The following COBLL1 variants were observed in gnomAD, a reference collection of about 807,000 sequenced individuals.
The protein encoded by COBLL1 is cordon-bleu protein-like 1.
Under a neutral mutation model 94.8 loss-of-function variants are expected in COBLL1, and 50 were observed. That is an observed-to-expected ratio of 0.53 (90% CI 0.42 to 0.67). The LOEUF is 0.67. COBLL1 is among the 30% of genes least tolerant of loss of function. The probability of loss-of-function intolerance (pLI) is 0.00; values close to 1 mark genes in which losing one functional copy is unlikely to be tolerated. For missense variants in COBLL1, 1,362 were observed against 1,348.7 expected (o/e 1.01, Z -0.15); for synonymous variants, 448 against 473.8 (o/e 0.95, Z 0.71).
chr2:164,689,162 A>G (rs910056031), intron 13 of COBLL1, among the ~76,000 whole-genome samples: 1 of 152,082 alleles, frequency 6.6e-6, no homozygotes, highest in African/African-American at 2.4e-5. Flanking sequence ...CTTCTGAAAC[A>G]TGAAAAAAAA....
chr2:164,822,637 G>C (rs145174731), intron 2 of COBLL1, among the ~76,000 whole-genome samples: 301 of 152,078 alleles, frequency 2.0e-3, no homozygotes, highest in African/African-American at 6.7e-3. Context: ...CTAATGAGAT[G>C]AACTAATCTC....
At position 164,722,079 on chromosome 2, in the gene COBLL1, T is replaced by G. The variant is rs750015688; in HGVS notation, c.992A>C (p.Asp331Ala). The change falls in exon 7 of 14, where the codon GAT becomes GCT. Residue 331 changes from aspartate (D) to alanine (A), a missense_variant. Asp to Ala is a moderately radical substitution (Grantham distance 126, BLOSUM62 -2). Transcript: ENST00000652658. The stretch of plus-strand genomic sequence containing the variant: ...ATAGAAAACAAAACTACACACCTTA[T>G]CTGTCTCATCCACGCTCATGGATTT... Reference protein sequence around the residue: ...IVKSMSVDETDKSPCEAGRVR... With the variant: ...IVKSMSVDETAKSPCEAGRVR... 53 of 1,587,492 alleles carry G rather than the reference T, an allele frequency of 3.3e-5. No homozygotes were observed. The highest frequency in any genetic ancestry group is 4.5e-5 in the Non-Finnish European group (52 of 1,166,932).
intron 2 of COBLL1, among the ~76,000 whole-genome samples, chr2:164,769,889 C>T (rs558728739): frequency 4.0e-4 from 61 of 152,212 alleles, no homozygotes; most frequent in African/African-American, 1.4e-3. Flanking sequence ...TATTATTTTA[C>T]AATATTAATC....
At chr2:164,693,151 A>C (rs1259269944) in intron 12 of COBLL1, among the ~76,000 whole-genome samples, 1 of 152,124 alleles carries the variant, frequency 6.6e-6, no homozygotes. Context: ...TCAGGCAATG[A>C]CTTAAAAGCT....
intron 2 of COBLL1, among the ~76,000 whole-genome samples, chr2:164,664,012 A>G (rs890535080): frequency 6.6e-6 from 1 of 152,230 alleles, no homozygotes; most frequent in Non-Finnish European, 1.5e-5. Context: ...GTATAATCTT[A>G]TACTTAAAAT....
intron 7 of COBLL1, among the ~76,000 whole-genome samples, chr2:164,705,667 T>A (rs1235594898): frequency 6.6e-6 from 1 of 152,162 alleles, no homozygotes; most frequent in Non-Finnish European, 1.5e-5. Context: ...CCAAATGCCA[T>A]GTCATCTTTG....
chr2:164,667,167 G>T (rs1019590655), intron 1 of COBLL1, among the ~76,000 whole-genome samples: 3 of 151,998 alleles, frequency 2.0e-5, no homozygotes, highest in Non-Finnish European at 4.4e-5. Flanking sequence ...CATTATCAAT[G>T]AACAGTAATA....
intron 2 of COBLL1, among the ~76,000 whole-genome samples, chr2:164,769,986 C>G (rs954192228): frequency 6.6e-5 from 10 of 152,098 alleles, no homozygotes; most frequent in African/African-American, 2.4e-4. Flanking sequence ...TTTTGAAGCA[C>G]CCATAAAAAC....
intron 5 of COBLL1, among the ~76,000 whole-genome samples, chr2:164,727,612 A>G (rs1479191656): frequency 6.6e-6 from 1 of 151,902 alleles, no homozygotes; most frequent in Admixed American, 6.6e-5. Context: ...CTTGATTAGA[A>G]TAACAATGAC....
intron 2 of COBLL1, among the ~76,000 whole-genome samples, chr2:164,807,104 C>T (rs1684199901): frequency 6.6e-6 from 1 of 152,104 alleles, no homozygotes; most frequent in African/African-American, 2.4e-5. Flanking sequence ...TTATTGTTCT[C>T]TTTTTCATTA....
At chr2:164,709,051 A>T (rs1684750134) in intron 7 of COBLL1, among the ~76,000 whole-genome samples, 1 of 152,202 alleles carries the variant, frequency 6.6e-6, no homozygotes, top group African/African-American at 2.4e-5. Context: ...AGACTCACAA[A>T]TTTTTATGAG....
intron 2 of COBLL1, among the ~76,000 whole-genome samples, chr2:164,817,870 C>T (rs1684853140): frequency 6.6e-6 from 1 of 152,126 alleles, no homozygotes; most frequent in African/African-American, 2.4e-5. Context: ...ATAAACTGCT[C>T]ATGAGCCACA....
chr2:164,805,513 G>A (rs1045618133), intron 2 of COBLL1, among the ~76,000 whole-genome samples: 14 of 148,736 alleles, frequency 9.4e-5, no homozygotes, highest in East Asian at 7.8e-4. Flanking sequence ...TCCTCCTTCC[G>A]CATCTCAAAT....
chr2:164,793,375 C>T (rs1186403790), intron 2 of COBLL1, among the ~76,000 whole-genome samples: 2 of 151,056 alleles, frequency 1.3e-5, no homozygotes, highest in African/African-American at 4.9e-5. Flanking sequence ...CTTATATTTA[C>T]AGCACTACCA....
intron 7 of COBLL1, among the ~76,000 whole-genome samples, chr2:164,706,043 G>A (rs1684578293): frequency 6.6e-6 from 1 of 152,020 alleles, no homozygotes; most frequent in Non-Finnish European, 1.5e-5. Context: ...TTGAAAAAAT[G>A]AATAAATAAA....
chr2:164,694,274 C>T lies in COBLL1; in HGVS notation c.3118G>A (p.Asp1040Asn). 6.2e-7 allele frequency: 1 copy of T among 1,612,186 alleles called. No homozygotes were observed. The highest frequency in any genetic ancestry group is 8.5e-7 in the Non-Finnish European group (1 of 1,178,996). Reference sequence around the variant, plus strand: ...TTTAAAAAGGCTACAGTTACCTTATCAGACACACCAAGCTGTGGGATGTCC... The same window carrying T: ...TTTAAAAAGGCTACAGTTACCTTATTAGACACACCAAGCTGTGGGATGTCC... The part of the protein sequence containing the change: ...FVDIPQLGVS[D>N]KENNSAHNEQ... The change falls in exon 12 of 14, where the codon GAT (aspartate) becomes AAT (asparagine). Residue 1040 changes from aspartate (D) to asparagine (N), a missense_variant. By Grantham distance (23) the Asp-to-Asn change is conservative. Transcript: ENST00000652658.
chr2:164,815,522 T>C (rs1203338969), intron 2 of COBLL1, among the ~76,000 whole-genome samples: 1 of 151,794 alleles, frequency 6.6e-6, no homozygotes, highest in Non-Finnish European at 1.5e-5. Flanking sequence ...CCTGACTCCA[T>C]CTCTTACTTA....
intron 2 of COBLL1, among the ~76,000 whole-genome samples, chr2:164,749,461 G>A (rs956952720): frequency 1.2e-4 from 18 of 152,150 alleles, no homozygotes; most frequent in African/African-American, 4.3e-4. Context: ...TGTGGTAAGT[G>A]TTGATGAGGC....
intron 3 of COBLL1, among the ~76,000 whole-genome samples, chr2:164,731,273 A>T (rs1484071465): frequency 6.6e-6 from 1 of 152,192 alleles, no homozygotes; most frequent in Non-Finnish European, 1.5e-5. Context: ...AATTGAAATA[A>T]AGTAAATGCA....
Sources: allele counts gnomAD v4.1 joint callset (sites outside exome capture counted in the v4.1 genomes callset), GRCh38; gene constraint gnomAD v4.1.1; transcripts MANE v1.5; gene names NCBI Gene and HGNC (gene_info 2026-07-23, HGNC 2026-07-21).